The following MAP7 variants were observed in gnomAD, a reference collection of about 807,000 sequenced individuals.
MAP7 encodes the protein microtubule associated protein 7.
In MAP7, 52 loss-of-function variants were observed where a neutral mutation model predicts 94.8. The observed-to-expected ratio is 0.55, with a 90% CI of 0.44 to 0.69. The LOEUF (loss-of-function observed/expected upper bound fraction) is 0.69, where lower values mean the gene tolerates loss of function less well. MAP7 is among the 30% of genes least tolerant of loss of function. MAP7 has a pLI of 0.00. For missense variants in MAP7, 940 were observed against 964.6 expected, an observed-to-expected ratio of 0.97 and a Z score of 0.34; for synonymous variants, 350 against 357.0, an observed-to-expected ratio of 0.98 and a Z score of 0.22.
chr6:136,527,339 CA>C (rs1200286499), intron 1 of MAP7, among the ~76,000 whole-genome samples: 2 of 152,094 alleles, frequency 1.3e-5, no homozygotes, highest in African/African-American at 2.4e-5. Context: ...TAAGAAAAAA[CA>C]TTTTTTTTGC....
intron 1 of MAP7, among the ~76,000 whole-genome samples, chr6:136,528,318 TC>T (rs1055708029): frequency 6.6e-6 from 1 of 152,214 alleles, no homozygotes; most frequent in African/African-American, 2.4e-5. Context: ...GTAACATACT[TC>T]CATAATTTTC....
rs1245458066 is a variant in MAP7 at position 136,479,234 on chromosome 6, C to T, written c.68-57435G>A. 3.3e-5 allele frequency among the ~76,000 whole-genome samples: 5 copies of T among 152,018 alleles called. No individual in the cohort carries two copies. In the East Asian group the frequency reaches 5.8e-4, roughly 18 times the overall value. The stretch of plus-strand genomic sequence containing the variant: ...TCAACATCGCAAACTCAACGTGATA[C>T]ATCATATCAACAAAATAAAAAACCA... On this transcript the variant is annotated intron_variant, in intron 1 of 17. Coordinates refer to ENST00000354570, the MANE Select transcript of MAP7 (RefSeq NM_003980.6).
rs537730997 is a variant in MAP7, at chr6:136,346,683, C to T, written c.2016-604G>A. Among the ~76,000 whole-genome samples the T allele has an allele frequency of 3.3e-5, 5 of 152,128 alleles. No homozygotes were observed. In the South Asian group the frequency reaches 1.0e-3, roughly 32 times the overall value. ...TAAATCATCATCAGCAGCAGTTCTA[C>T]ACATTTAATGATTTCTGCTGCAGGC... On this transcript the variant is annotated intron_variant, in intron 16 of 17. Coordinates refer to ENST00000354570, the MANE Select transcript of MAP7 (RefSeq NM_003980.6).
At chr6:136,423,202 G>A (rs1791948233) in intron 1 of MAP7, among the ~76,000 whole-genome samples, 1 of 152,176 alleles carries the variant, frequency 6.6e-6, no homozygotes. Flanking sequence ...GTTTGAGTGT[G>A]TTTTGGAGTC....
chr6:136,491,987 A>T (rs1035851878), intron 1 of MAP7, among the ~76,000 whole-genome samples: 12 of 152,126 alleles, frequency 7.9e-5, no homozygotes, highest in Admixed American at 5.2e-4. Context: ...GGGGAAATAC[A>T]TTTTCTCTGT....
At chr6:136,524,852 A>C (rs961659448) in intron 1 of MAP7, among the ~76,000 whole-genome samples, 1 of 152,254 alleles carries the variant, frequency 6.6e-6, no homozygotes, top group Non-Finnish European at 1.5e-5. Context: ...GCATCACAGA[A>C]GAAAATTTGA....
At chr6:136,479,576 T>C (rs539383587) in intron 1 of MAP7, among the ~76,000 whole-genome samples, 1 of 152,324 alleles carries the variant, frequency 6.6e-6, no homozygotes, top group South Asian at 2.1e-4. Context: ...TTATTCTTGT[T>C]TGCAGATGAT....
In MAP7 at chr6:136,419,347, G is replaced by A. The variant is rs547204182; in HGVS notation, c.166+2354C>T. On this transcript the variant is annotated intron_variant, in intron 2 of 17. Coordinates refer to ENST00000354570, the MANE Select transcript of MAP7 (RefSeq NM_003980.6). Reference sequence around the variant, plus strand: ...AAGCAGTGGTGGATGGGGAGAACCAGAGAAATACAGCACCAACAACTAAGC... The same window carrying A: ...AAGCAGTGGTGGATGGGGAGAACCAAAGAAATACAGCACCAACAACTAAGC... Among the ~76,000 whole-genome samples the A allele has an allele frequency of 1.2e-4, 18 of 152,296 alleles. No individual in the cohort carries two copies. In the East Asian group the frequency reaches 2.1e-3, roughly 18 times the overall value.
Position 136,421,753 on chromosome 6 carries a change from G to T in MAP7, c.114C>A (p.Arg38=), listed in dbSNP as rs773068365. The part of the protein sequence containing the change: ...KVQDKKNASS[R]PASAISGQNN... ...TTTGTCCTGAAATTGCAGAGGCAGG[G>T]CGGCTGGAGGCATTTTTCTTATCTT... Residue 38 remains arginine (R), a synonymous_variant, in exon 2 of 18, where the codon CGC becomes CGA. Coordinates refer to ENST00000354570, the MANE Select transcript of MAP7 (RefSeq NM_003980.6). 5.6e-5 allele frequency: 91 copies of T among 1,613,922 alleles called. No homozygotes were observed. The highest frequency in any genetic ancestry group is 7.5e-5 in the Non-Finnish European group (88 of 1,179,998).
At chr6:136,504,058 A>G (rs1820624223) in intron 1 of MAP7, among the ~76,000 whole-genome samples, 2 of 152,210 alleles carry the variant, frequency 1.3e-5, no homozygotes, top group African/African-American at 4.8e-5. Context: ...TATATTTATC[A>G]CTTGGGATGG....
chr6:136,356,338 T>A (rs1442115817), intron 16 of MAP7, among the ~76,000 whole-genome samples: 2 of 133,990 alleles, frequency 1.5e-5, no homozygotes, highest in African/African-American at 6.5e-5. Context: ...AGTTTTGCTA[T>A]TTTTTTTTGT....
intron 1 of MAP7, among the ~76,000 whole-genome samples, chr6:136,447,085 T>C: frequency 6.6e-6 from 1 of 152,202 alleles, no homozygotes; most frequent in Non-Finnish European, 1.5e-5. Context: ...AATGAGACTA[T>C]CCTTTTCAAT....
intron 1 of MAP7, among the ~76,000 whole-genome samples, chr6:136,428,995 T>C (rs1794104349): frequency 2.0e-5 from 3 of 152,254 alleles, no homozygotes; most frequent in Non-Finnish European, 4.4e-5. Flanking sequence ...TTTTTCTTTT[T>C]ACTAATCATC....
chr6:136,447,995 G>A (rs938993945), intron 1 of MAP7, among the ~76,000 whole-genome samples: 1 of 152,024 alleles, frequency 6.6e-6, no homozygotes, highest in Admixed American at 6.5e-5. Flanking sequence ...TTTGAGACCA[G>A]CCTAATCAAC....
intron 1 of MAP7, among the ~76,000 whole-genome samples, chr6:136,427,034 C>T (rs1582880926): frequency 6.6e-6 from 1 of 152,342 alleles, no homozygotes; most frequent in Non-Finnish European, 1.5e-5. Flanking sequence ...TCAGGTTCTT[C>T]CACTTACCCG....
intron 1 of MAP7, among the ~76,000 whole-genome samples, chr6:136,428,813 A>C (rs1001458186): frequency 6.6e-6 from 1 of 152,058 alleles, no homozygotes; most frequent in Non-Finnish European, 1.5e-5. Context: ...TTTCCACTTG[A>C]CCAGAGCAAC....
chr6:136,514,566 G>T (rs1435136792), intron 1 of MAP7, among the ~76,000 whole-genome samples: 2 of 107,352 alleles, frequency 1.9e-5, no homozygotes, highest in African/African-American at 7.6e-5. Flanking sequence ...GGGTGACAGA[G>T]CAAGACTCTG....
chr6:136,482,681 C>T (rs547577603), intron 1 of MAP7, among the ~76,000 whole-genome samples: 2 of 151,852 alleles, frequency 1.3e-5, no homozygotes, highest in African/African-American at 4.8e-5. Context: ...AACCTAGATG[C>T]CCATCAATGG....
At chr6:136,442,800 T>C (rs1582925252) in intron 1 of MAP7, among the ~76,000 whole-genome samples, 4 of 152,178 alleles carry the variant, frequency 2.6e-5, no homozygotes, top group African/African-American at 9.7e-5. Flanking sequence ...CCCTAGACCA[T>C]CTGCCTTCAA....
Sources: gnomAD v4.1 joint callset for allele counts (sites outside exome capture counted in the v4.1 genomes callset) on GRCh38, gnomAD v4.1.1 for gene constraint, MANE v1.5 for transcripts, NCBI Gene and HGNC (gene_info 2026-07-23, HGNC 2026-07-21) for gene names.